Variants in IQCM observed in about 807,000 individuals in gnomAD.
IQCM encodes IQ motif containing M.
IQCM carries 45 observed loss-of-function variants against 57.6 expected under a neutral mutation model. The observed-to-expected ratio is 0.78, with a 90% CI of 0.62 to 1.00. IQCM has a LOEUF of 1.00. IQCM is among the 50% of genes least tolerant of loss of function. The probability of loss-of-function intolerance (pLI) is 0.00; values close to 1 mark genes in which losing one functional copy is unlikely to be tolerated. For synonymous variants in IQCM, 148 were observed against 158.9 expected (o/e 0.93, Z 0.51); for missense variants, 468 against 511.6 (o/e 0.91, Z 0.82).
At chr4:149,792,982 T>C (rs985926793) in intron 2 of IQCM, among the ~76,000 whole-genome samples, 1 of 152,196 alleles carries the variant, frequency 6.6e-6, no homozygotes, top group African/African-American at 2.4e-5. Context: ...CCTGAAAAGA[T>C]ACATAAATTG....
At chr4:149,593,053 G>C (rs932310563) in intron 8 of IQCM, among the ~76,000 whole-genome samples, 18 of 152,092 alleles carry the variant, frequency 1.2e-4, no homozygotes, top group Non-Finnish European at 2.4e-4. Context: ...TGGGCAGTAT[G>C]GCCATTTTCA....
rs543850285 is a variant in IQCM at position 149,752,248 on chromosome 4, C to A, written c.-48-9509G>T. On this transcript the variant is annotated intron_variant, in intron 2 of 13. Transcript: ENST00000636793. ...CTATTATCAAAGCACCTATCTTTTT[C>A]TCATCGATATCTGGCTGAAAGGCCA... Among the ~76,000 whole-genome samples the A allele has an allele frequency of 2.0e-5, 3 of 152,098 alleles. No individual in the cohort carries two copies. In the South Asian group the frequency reaches 6.2e-4, roughly 32 times the overall value.
At chr4:149,810,572 C>T (rs1201785570) in intron 2 of IQCM, among the ~76,000 whole-genome samples, 5 of 151,792 alleles carry the variant, frequency 3.3e-5, no homozygotes, top group African/African-American at 9.7e-5. Flanking sequence ...GCCTCAGCCT[C>T]CTGAGCAGCT....
chr4:149,733,933 T>C (rs1362518186), intron 4 of IQCM, among the ~76,000 whole-genome samples: 2 of 152,126 alleles, frequency 1.3e-5, no homozygotes, highest in East Asian at 3.9e-4. Context: ...CCCAAATCTC[T>C]TCCTTTGCTG....
At chr4:149,677,096 T>C (rs1761816889) in intron 7 of IQCM, among the ~76,000 whole-genome samples, 1 of 152,086 alleles carries the variant, frequency 6.6e-6, no homozygotes, top group Admixed American at 6.6e-5. Context: ...ATCACTGTTT[T>C]GACACTGGAA....
At chr4:149,546,270 A>G (rs1748415103) in intron 12 of IQCM, among the ~76,000 whole-genome samples, 1 of 152,238 alleles carries the variant, frequency 6.6e-6, no homozygotes, top group Non-Finnish European at 1.5e-5. Context: ...TAGTGCCACA[A>G]TAAACATACA....
At chr4:149,714,402 T>G (rs1279974290) in intron 5 of IQCM, among the ~76,000 whole-genome samples, 4 of 152,214 alleles carry the variant, frequency 2.6e-5, no homozygotes, top group Non-Finnish European at 5.9e-5. Context: ...ATCTATAAAC[T>G]GAGGTATCTC....
At chr4:149,802,836 C>T (rs908688909) in intron 2 of IQCM, among the ~76,000 whole-genome samples, 1 of 151,872 alleles carries the variant, frequency 6.6e-6, no homozygotes, top group Non-Finnish European at 1.5e-5. Context: ...TCTGGTAATT[C>T]TTAACACCCC....
intron 8 of IQCM, among the ~76,000 whole-genome samples, chr4:149,592,977 T>TTTCCAA (rs1470609471): frequency 1.8e-4 from 28 of 152,190 alleles, no homozygotes; most frequent in Non-Finnish European, 3.5e-4. Flanking sequence ...AAAATAGTTT[T>TTTCCAA]TTCCAATTCT....
intron 7 of IQCM, among the ~76,000 whole-genome samples, chr4:149,627,277 T>C (rs761266546): frequency 6.6e-6 from 1 of 152,148 alleles, no homozygotes; most frequent in Non-Finnish European, 1.5e-5. Context: ...GACAGGTGTC[T>C]GCAAGTTACT....
chr4:149,794,877 A>G (rs1432449516), intron 2 of IQCM, among the ~76,000 whole-genome samples: 1 of 152,132 alleles, frequency 6.6e-6, no homozygotes, highest in Non-Finnish European at 1.5e-5. Context: ...ACCTACAAAG[A>G]GGCAGGAAAC....
intron 13 of IQCM, among the ~76,000 whole-genome samples, chr4:149,360,435 C>T (rs886957018): frequency 1.3e-5 from 2 of 151,982 alleles, no homozygotes; most frequent in African/African-American, 2.4e-5. Flanking sequence ...TTGGCATGCT[C>T]CGGAGGTCCT....
intron 5 of IQCM, among the ~76,000 whole-genome samples, chr4:149,686,771 A>G (rs1762571974): frequency 6.6e-6 from 1 of 151,556 alleles, no homozygotes; most frequent in African/African-American, 2.4e-5. Flanking sequence ...ATGAATACAA[A>G]CAGCCTCATT....
intron 5 of IQCM, among the ~76,000 whole-genome samples, chr4:149,692,273 T>A (rs893709741): frequency 6.6e-6 from 1 of 152,174 alleles, no homozygotes; most frequent in Non-Finnish European, 1.5e-5. Flanking sequence ...AAACATGAAG[T>A]GACAGAGAAT....
intron 13 of IQCM, among the ~76,000 whole-genome samples, chr4:149,413,103 T>A (rs1404060637): frequency 6.6e-6 from 1 of 152,186 alleles, no homozygotes; most frequent in Non-Finnish European, 1.5e-5. Flanking sequence ...AAAACACACA[T>A]TAAAAGTACA....
At chr4:149,499,621 C>A (rs1038410208) in intron 12 of IQCM, among the ~76,000 whole-genome samples, 6 of 151,960 alleles carry the variant, frequency 3.9e-5, no homozygotes, top group African/African-American at 1.2e-4. Flanking sequence ...AGAAATGGTC[C>A]TTATTTATCA....
chr4:149,621,919 CA>C (rs1185269426), intron 7 of IQCM, among the ~76,000 whole-genome samples: 1 of 152,154 alleles, frequency 6.6e-6, no homozygotes. Flanking sequence ...CGAAATGAAT[CA>C]AACTATTTTC....
chr4:149,633,287 T>C (rs1246686095), intron 7 of IQCM, among the ~76,000 whole-genome samples: 1 of 152,064 alleles, frequency 6.6e-6, no homozygotes, highest in Non-Finnish European at 1.5e-5. Flanking sequence ...AATTATTGGA[T>C]GTACGGATTA....
intron 11 of IQCM, among the ~76,000 whole-genome samples, chr4:149,551,500 T>C (rs1184007087): frequency 6.6e-6 from 1 of 152,034 alleles, no homozygotes. Context: ...AAAAAATCAA[T>C]TAAGTGATAG....
Sources: allele counts gnomAD v4.1 joint callset (sites outside exome capture counted in the v4.1 genomes callset), GRCh38; gene constraint gnomAD v4.1.1; transcripts MANE v1.5; gene names NCBI Gene and HGNC (gene_info 2026-07-23, HGNC 2026-07-21).